RNF157: variants seen among roughly 807,000 people sequenced by gnomAD.
RNF157 encodes ring finger protein 157, also known as E3 ubiquitin ligase RNF157.
In RNF157, 55 loss-of-function variants were observed where a neutral mutation model predicts 88.3. The ratio of observed to expected loss-of-function variants is 0.62; its 90% CI spans 0.50 to 0.78. RNF157 has a LOEUF of 0.78. RNF157 is among the 30% of genes least tolerant of loss of function. The pLI, the probability that RNF157 is intolerant of heterozygous loss-of-function variation, is 0.00. For synonymous variants in RNF157, 334 were observed against 341.2 expected, an observed-to-expected ratio of 0.98 and a Z score of 0.23; for missense variants, 788 against 860.8, an observed-to-expected ratio of 0.92 and a Z score of 1.06.
rs916406586 is a variant in RNF157, at chr17:76,146,247, G to T, written c.1922-894C>A. On this transcript the variant is annotated intron_variant, in intron 18 of 18. Transcript: ENST00000269391. This position sits in a 1 kb window ranked among gnomAD's most constrained non-coding sequence, Gnocchi z 4.2. ...GTGACCTTGGGCACATCAGTTTACT[G>T]TGGGCCTTGGTTTTCTCACCCATCA... is the stretch of plus-strand genomic sequence containing the variant. 6.3e-6 allele frequency: 4 copies of T among 638,468 alleles called. No individual in the cohort carries two copies. The highest frequency in any genetic ancestry group is 1.3e-4 in the Admixed American group (2 of 15,862). The allele number at this position is 638,468 out of a possible 1,614,324, so 39.6% of individuals were successfully genotyped here.
At chr17:76,168,055 A>G (rs1033045824) in intron 3 of RNF157, among the ~76,000 whole-genome samples, 1 of 152,134 alleles carries the variant, frequency 6.6e-6, no homozygotes, top group Non-Finnish European at 1.5e-5. Flanking sequence ...GTTATTAATC[A>G]CATAGTTTAA....
chr17:76,152,407 G>C lies in RNF157; in HGVS notation c.1869C>G (p.Ile623Met). The C allele has an allele frequency of 6.2e-7, 1 of 1,613,882 alleles. No homozygotes were observed. Reference protein sequence around the residue: ...MECDNNNDFDIASVKALDNKL... With the variant: ...MECDNNNDFDMASVKALDNKL... Reference sequence around the variant, plus strand: ...TATTGTCCAGTGCTTTCACGCTTGCGATGTCAAAGTCATTGTTATTGTCAC... The same window carrying C: ...TATTGTCCAGTGCTTTCACGCTTGCCATGTCAAAGTCATTGTTATTGTCAC... Residue 623 changes from isoleucine (I) to methionine (M), a missense_variant, in exon 18 of 19, where the codon ATC (isoleucine) becomes ATG (methionine). By Grantham distance (10) the Ile-to-Met change is conservative. Transcript: ENST00000269391.
At position 76,230,515 on chromosome 17, in the gene RNF157, G is replaced by A. The variant is rs142814544; in HGVS notation, c.88+9638C>T. 7.8e-3 allele frequency among the ~76,000 whole-genome samples: 1,184 copies of A among 152,182 alleles called. 10 individuals are homozygous for A. Among genetic ancestry groups the A allele is most frequent in the African/African-American group, 0.027 (1,114 of 41,506 alleles). ...TTCCTACCAAATCTCTCTGCTTCCA[G>A]TCTCTCCTCCCAATCACTCATATTT... is the stretch of plus-strand genomic sequence containing the variant. On this transcript the variant is annotated intron_variant, in intron 1 of 18. Transcript: ENST00000269391.
At chr17:76,199,453 T>C (rs960217999) in intron 2 of RNF157, among the ~76,000 whole-genome samples, 3 of 151,530 alleles carry the variant, frequency 2.0e-5, no homozygotes, top group Non-Finnish European at 4.4e-5. Context: ...AGGGTCTCAC[T>C]ATGTTGCCCA....
chr17:76,168,989 G>A (rs377678768), intron 3 of RNF157, among the ~76,000 whole-genome samples: 2 of 152,232 alleles, frequency 1.3e-5, no homozygotes, highest in African/African-American at 2.4e-5. Context: ...GCTTACAGAC[G>A]GTCCTCTTTC....
At position 76,181,037 on chromosome 17, in the gene RNF157, C is replaced by T. The variant is rs72868721; in HGVS notation, c.208-7247G>A. ...ACTGACATTCTACAGATAAAGAAAC[C>T]GAGACTCAAAAGATTCACGTAATCA... On this transcript the variant is annotated intron_variant, in intron 2 of 18. Coordinates refer to ENST00000269391, the MANE Select transcript of RNF157 (RefSeq NM_052916.3). 4.8e-3 allele frequency among the ~76,000 whole-genome samples: 726 copies of T among 152,120 alleles called. 3 individuals are homozygous for T. Among genetic ancestry groups the T allele is most frequent in the Admixed American group, 8.3e-3 (127 of 15,266 alleles).
intron 18 of RNF157, among the ~76,000 whole-genome samples, chr17:76,149,518 G>A (rs1222373290): frequency 6.6e-6 from 1 of 152,072 alleles, no homozygotes; most frequent in Non-Finnish European, 1.5e-5. Flanking sequence ...GTGTGAAGAC[G>A]CCTATTTATT....
rs2068538827 is a variant in RNF157 at position 76,143,157 on chromosome 17, G to A, written c.*2078C>T. 6.6e-6 allele frequency: 1 copy of A among 152,336 alleles called. No individual in the cohort carries two copies. Among genetic ancestry groups the A allele is most frequent in the African/African-American group, 2.4e-5 (1 of 41,452 alleles). The allele number at this position is 152,336 out of a possible 1,614,324, so 9.4% of individuals were successfully genotyped here. ...AAATAGTAACTGAGAAACAAGTAAA[G>A]GACATTTCTAACCTAGGTATGCCTT... On this transcript the variant is annotated 3_prime_UTR_variant, in exon 19 of 19. Coordinates refer to ENST00000269391, the MANE Select transcript of RNF157 (RefSeq NM_052916.3).
intron 1 of RNF157, among the ~76,000 whole-genome samples, chr17:76,216,539 G>C (rs1306835589): frequency 6.6e-6 from 1 of 152,092 alleles, no homozygotes; most frequent in African/African-American, 2.4e-5. Flanking sequence ...TTGAGCCCAG[G>C]AGCTCAAGAC....
At chr17:76,223,659 T>C (rs1276649320) in intron 1 of RNF157, among the ~76,000 whole-genome samples, 1 of 152,206 alleles carries the variant, frequency 6.6e-6, no homozygotes, top group Non-Finnish European at 1.5e-5. Context: ...TCAAAAACAT[T>C]TTGTTTTCCA....
chr17:76,215,628 T>C (rs2069876597), intron 1 of RNF157, among the ~76,000 whole-genome samples: 1 of 150,860 alleles, frequency 6.6e-6, no homozygotes, highest in African/African-American at 2.4e-5. Context: ...TAGCAAAAAC[T>C]GAACCAAACA....
At chr17:76,213,750 T>A (rs914569212) in intron 1 of RNF157, among the ~76,000 whole-genome samples, 1 of 152,030 alleles carries the variant, frequency 6.6e-6, no homozygotes, top group Admixed American at 6.6e-5. Flanking sequence ...CCCCAACCAC[T>A]GAGGAAGGGA....
At chr17:76,153,196 C>T (rs950416750) in intron 17 of RNF157, 1 of 152,216 alleles carries the variant, frequency 6.6e-6, no homozygotes, top group Non-Finnish European at 1.5e-5. Flanking sequence ...GGCCACACCG[C>T]ACTTCTTAGA....
Position 76,146,308 on chromosome 17 carries a change from T to C in RNF157, c.1922-955A>G. On this transcript the variant is annotated intron_variant, in intron 18 of 18. Coordinates refer to ENST00000269391, the MANE Select transcript of RNF157 (RefSeq NM_052916.3). The surrounding 1 kb of genome is among the most constrained non-coding windows in gnomAD (Gnocchi z 4.2). ...GCGTACTGACCTCACGGGCTTGCTG[T>C]GAGGACTAGATGAGAGAATGCGAGC... 1 of 982,348 alleles carries C rather than the reference T, an allele frequency of 1.0e-6. No individual in the cohort carries two copies. Among genetic ancestry groups the C allele is most frequent in the Non-Finnish European group, 1.2e-6 (1 of 827,110 alleles). The allele number at this position is 982,348 out of a possible 1,614,324, so 60.9% of individuals were successfully genotyped here.
intron 1 of RNF157, among the ~76,000 whole-genome samples, chr17:76,229,141 GCT>G (rs2070145499): frequency 6.6e-6 from 1 of 152,026 alleles, no homozygotes; most frequent in Non-Finnish European, 1.5e-5. Flanking sequence ...CATTTCTGAG[GCT>G]CTCTTTCCTC....
intron 2 of RNF157, chr17:76,202,538 C>T (rs1264507326): frequency 6.5e-6 from 1 of 153,526 alleles, no homozygotes; most frequent in African/African-American, 2.4e-5. Flanking sequence ...TGATGCCACA[C>T]TTGCCTGTGA....
chr17:76,236,996 G>C (rs537561658), intron 1 of RNF157, among the ~76,000 whole-genome samples: 3 of 152,304 alleles, frequency 2.0e-5, no homozygotes, highest in Non-Finnish European at 4.4e-5. Flanking sequence ...CAGGTGGATG[G>C]ACAACAGCGG....
Position 76,158,478 on chromosome 17 carries a change from A to G in RNF157, c.1328T>C (p.Val443Ala). Reference protein sequence around the residue: ...LSKSTSQNSSVLHEEEDEHSC... With the variant: ...LSKSTSQNSSALHEEEDEHSC... ...ATGCTCATCTTCCTCTTCATGCAGC[A>G]CGGAAGAGTTTTGGGAAGTGGATCT... Residue 443 changes from valine (V) to alanine (A), a missense_variant, in exon 13 of 19, where the codon GTG becomes GCG. Val to Ala is a moderately conservative substitution (Grantham distance 64, BLOSUM62 0). Transcript: ENST00000269391. 6.2e-7 allele frequency: 1 copy of G among 1,613,660 alleles called. No individual in the cohort carries two copies. Among genetic ancestry groups the G allele is most frequent in the South Asian group, 1.1e-5 (1 of 91,088 alleles).
At chr17:76,191,962 C>T (rs566934884) in intron 2 of RNF157, among the ~76,000 whole-genome samples, 1 of 152,234 alleles carries the variant, frequency 6.6e-6, no homozygotes, top group African/African-American at 2.4e-5. Context: ...ACAATACAGA[C>T]TTTTATATAA....
Sources: allele counts gnomAD v4.1 joint callset (sites outside exome capture counted in the v4.1 genomes callset), GRCh38; gene constraint gnomAD v4.1.1; non-coding constraint Gnocchi (gnomAD v3.1); transcripts MANE v1.5; gene names NCBI Gene and HGNC (gene_info 2026-07-23, HGNC 2026-07-21).